The following OPTC variants were observed in gnomAD, a reference collection of about 807,000 sequenced individuals.
OPTC encodes opticin.
A neutral mutation model predicts 25.4 loss-of-function variants in OPTC; 22 were observed. The ratio of observed to expected loss-of-function variants is 0.87; its 90% CI spans 0.62 to 1.24. OPTC has a LOEUF of 1.24. Ranked by LOEUF, OPTC falls within the 50% of genes most tolerant of loss-of-function variation. The probability of loss-of-function intolerance (pLI) is 0.00; values close to 1 mark genes in which losing one functional copy is unlikely to be tolerated. For synonymous variants in OPTC, 169 were observed against 179.3 expected (o/e 0.94, Z 0.46); for missense variants, 417 against 425.2 (o/e 0.98, Z 0.17).
At chr1:203,506,835 C>T (rs925778394) in intron 7 of OPTC, among the ~76,000 whole-genome samples, 7 of 152,212 alleles carry the variant, frequency 4.6e-5, no homozygotes, top group African/African-American at 1.7e-4. Flanking sequence ...AGTCTGAAGT[C>T]CTGCTCTCTG....
intron 4 of OPTC, 127 bp downstream of exon 4, chr1:203,498,966 C>T: frequency 9.5e-7 from 1 of 1,051,740 alleles, no homozygotes; most frequent in Non-Finnish European, 1.4e-6. Context: ...TCAGTCCCTC[C>T]AGCTGTCAAA....
rs139974902 is a variant in OPTC, at chr1:203,497,051, G to A, written c.306G>A (p.Ser102=). The A allele has an allele frequency of 4.5e-5, 72 of 1,613,974 alleles. No individual in the cohort carries two copies. In the African/African-American group the frequency reaches 7.1e-4, roughly 16 times the overall value. The stretch of plus-strand genomic sequence containing the variant: ...GCACTACGGCTCCAGGGACACCCTC[G>A]TCAAACCCCACGATGACCAGACCTA... The part of the protein sequence containing the change: ...AKSTTAPGTP[S]SNPTMTRPTT... The change falls in exon 3 of 8, where the codon TCG becomes TCA. Residue 102 remains serine (S), a synonymous_variant. Coordinates refer to ENST00000367222, the MANE Select transcript of OPTC (RefSeq NM_014359.4).
chr1:203,502,368 G>T (rs1661404102), intron 5 of OPTC, among the ~76,000 whole-genome samples: 2 of 152,198 alleles, frequency 1.3e-5, no homozygotes, highest in Admixed American at 1.3e-4. Context: ...GATAAACAGA[G>T]CATGGAGGAT....
intron 7 of OPTC, among the ~76,000 whole-genome samples, chr1:203,504,281 AT>A (rs1385668475): frequency 1.3e-5 from 2 of 152,158 alleles, no homozygotes; most frequent in African/African-American, 2.4e-5. Flanking sequence ...AAAAATCATC[AT>A]TTTCAATTAG....
At chr1:203,506,028 T>G (rs1051621389) in intron 7 of OPTC, among the ~76,000 whole-genome samples, 32 of 151,968 alleles carry the variant, frequency 2.1e-4, no homozygotes, top group African/African-American at 7.0e-4. Flanking sequence ...CCCTTCCATA[T>G]CCAATATCCC....
At chr1:203,506,518 G>T (rs555270141) in intron 7 of OPTC, among the ~76,000 whole-genome samples, 1 of 151,888 alleles carries the variant, frequency 6.6e-6, no homozygotes, top group African/African-American at 2.4e-5. Context: ...GGGCTTTTGG[G>T]TACTGGAAGC....
intron 6 of OPTC, 139 bp from the exon 7 acceptor site, chr1:203,503,410 TG>T: frequency 1.2e-6 from 1 of 824,942 alleles, no homozygotes; most frequent in Non-Finnish European, 2.1e-6. Context: ...CCTTGTTGTG[TG>T]GCTTTGGCCC....
intron 5 of OPTC, among the ~76,000 whole-genome samples, chr1:203,500,479 C>T (rs1249632953): frequency 6.7e-6 from 1 of 149,958 alleles, no homozygotes; most frequent in Admixed American, 6.7e-5. Flanking sequence ...CACCCACCTG[C>T]ACTACCCACC....
rs534112272 is a variant in OPTC at position 203,496,196 on chromosome 1, A to G, written c.191A>G (p.Asn64Ser). Residue 64 changes from asparagine (N) to serine (S), a missense_variant, in exon 2 of 8, where the codon AAC (asparagine) becomes AGC (serine). Transcript: ENST00000367222. The stretch of plus-strand genomic sequence containing the variant: ...TATGGTGAAGTCATTGACCTGAGCA[A>G]CTATGAGGAGCTCACAGATTATGGG... ...DNYGEVIDLS[N>S]YEELTDYGDQ... The G allele has an allele frequency of 6.2e-7, 1 of 1,614,086 alleles. No individual in the cohort carries two copies. Among genetic ancestry groups the G allele is most frequent in the African/African-American group, 1.3e-5 (1 of 75,058 alleles).
rs146139436 is a variant in OPTC, at chr1:203,504,724, G to A, written c.*25+979G>A. Among the ~76,000 whole-genome samples the A allele has an allele frequency of 8.4e-4, 128 of 152,284 alleles. No homozygotes were observed. The South Asian group carries it at 8.7e-3, about 10-fold the overall frequency. ...CTGACACGAATCTTCACCCAGATGC[G>A]CTTCTTGTAGCACTTACCTACTCCC... On this transcript the variant is annotated intron_variant, in intron 7 of 7. Transcript: ENST00000367222.
At chr1:203,498,496 A>T (rs1043303452) in intron 3 of OPTC, among the ~76,000 whole-genome samples, 185 bp from the exon 4 acceptor site, 4 of 152,184 alleles carry the variant, frequency 2.6e-5, no homozygotes, top group Non-Finnish European at 4.4e-5. Context: ...TCTCTGGGGT[A>T]GAGGACAGAG....
intron 6 of OPTC, 150 bp from the exon 7 acceptor site, chr1:203,503,400 C>A: frequency 1.3e-6 from 1 of 780,792 alleles, no homozygotes. Context: ...CTCTTCTCAC[C>A]CTTGTTGTGT....
chr1:203,494,469 G>A (rs1571594092), intron 1 of OPTC, among the ~76,000 whole-genome samples: 1 of 151,998 alleles, frequency 6.6e-6, no homozygotes, highest in Admixed American at 6.6e-5. Context: ...TTGCCCCCTT[G>A]CCCAGCTAAA....
At position 203,503,609 on chromosome 1, in the gene OPTC, C is replaced by G. The variant is rs1661427333; in HGVS notation, c.888C>G (p.His296Gln). Residue 296 changes from histidine to glutamine, a missense_variant, in exon 7 of 8, where the codon CAC becomes CAG. By Grantham distance (24) the His-to-Gln change is conservative (BLOSUM62 0). Coordinates refer to ENST00000367222, the MANE Select transcript of OPTC (RefSeq NM_014359.4). ...DVFCDPEEHK[H>Q]TRRQLEDIRL... ...TCTGTGACCCCGAGGAGCACAAACA[C>G]ACCCGCAGGCAGCTGGAAGACATCC... is the stretch of plus-strand genomic sequence containing the variant. 1 of 1,613,774 alleles carries G rather than the reference C, an allele frequency of 6.2e-7. No homozygotes were observed. The highest frequency in any genetic ancestry group is 2.2e-5 in the East Asian group (1 of 44,874).
chr1:203,498,868 G>A, intron 4 of OPTC, 29 bp downstream of exon 4: 3 of 1,612,542 alleles, frequency 1.9e-6, no homozygotes, highest in East Asian at 2.2e-5. Context: ...AAAGAGGAGT[G>A]GGGGCAGGCA....
intron 5 of OPTC, among the ~76,000 whole-genome samples, chr1:203,502,013 C>G (rs1311162220): frequency 6.6e-6 from 1 of 152,082 alleles, no homozygotes; most frequent in Non-Finnish European, 1.5e-5. Context: ...CGAGAGTCTC[C>G]TGACCTCTCT....
At position 203,498,814 on chromosome 1, in the gene OPTC, CAGGGCCGA is replaced by C; in HGVS notation, c.507_514del (p.Ala170LeufsTer11). On this transcript the variant is annotated frameshift_variant, in exon 4 of 8. Coordinates refer to ENST00000367222, the MANE Select transcript of OPTC (RefSeq NM_014359.4). LOFTEE classifies it high-confidence loss of function. ...CACGCTTCAACCGCATCAGCCGTAT[CAGGGCCGA>C]AGACTTCAAAGGGCTGAGTATGTAA... 6.2e-7 allele frequency: 1 copy of C among 1,614,046 alleles called. No individual in the cohort carries two copies. Among genetic ancestry groups the C allele is most frequent in the Non-Finnish European group, 8.5e-7 (1 of 1,180,032 alleles).
rs746478744 is a variant in OPTC at position 203,503,014 on chromosome 1, G to A, written c.828+5G>A. ...CTGCGCTCTGTACACCTGCAGGTAA[G>A]GAGCACCACCCAGAGCAAGGGTGAT... On this transcript the variant is annotated splice_donor_5th_base_variant and intron_variant, in intron 6 of 7. Coordinates refer to ENST00000367222, the MANE Select transcript of OPTC (RefSeq NM_014359.4). 6.2e-7 allele frequency: 1 copy of A among 1,608,686 alleles called. No individual in the cohort carries two copies.
chr1:203,496,844 C>A, intron 2 of OPTC, 133 bp from the exon 3 acceptor site: 1 of 917,502 alleles, frequency 1.1e-6, no homozygotes, highest in Non-Finnish European at 1.8e-6. Flanking sequence ...AGTCTTTCTG[C>A]TATCCTTCCC....
Sources: gnomAD v4.1 joint callset for allele counts (sites outside exome capture counted in the v4.1 genomes callset) on GRCh38, gnomAD v4.1.1 for gene constraint, MANE v1.5 for transcripts, NCBI Gene and HGNC (gene_info 2026-07-23, HGNC 2026-07-21) for gene names.